The following CHODL variants were observed in gnomAD, a reference collection of about 807,000 sequenced individuals.
CHODL encodes the protein transmembrane protein MT75.
Under a neutral mutation model 34.5 loss-of-function variants are expected in CHODL, and 29 were observed. The observed-to-expected ratio is 0.84, with a 90% CI of 0.63 to 1.15. The LOEUF (loss-of-function observed/expected upper bound fraction) is 1.15, where lower values mean the gene tolerates loss of function less well. Among genes scored for constraint, CHODL ranks in the 50% most tolerant of loss-of-function variants. CHODL has a pLI of 0.00. For missense variants in CHODL, 332 were observed against 332.5 expected, an observed-to-expected ratio of 1.00 and a Z score of 0.01; for synonymous variants, 125 against 116.1, an observed-to-expected ratio of 1.08 and a Z score of -0.49.
intron 1 of CHODL, among the ~76,000 whole-genome samples, chr21:17,929,243 A>C (rs2063252026): frequency 6.6e-6 from 1 of 152,252 alleles, no homozygotes; most frequent in African/African-American, 2.4e-5. Flanking sequence ...GAGTACTTTC[A>C]TGATGTGAAT....
chr21:18,003,568 C>A (rs571492839), intron 1 of CHODL, among the ~76,000 whole-genome samples: 1 of 152,234 alleles, frequency 6.6e-6, no homozygotes, highest in South Asian at 2.1e-4. Flanking sequence ...GTTAATTATT[C>A]TATAAATAAC....
chr21:17,989,515 A>G (rs1346914689), intron 1 of CHODL, among the ~76,000 whole-genome samples: 3 of 152,216 alleles, frequency 2.0e-5, no homozygotes, highest in African/African-American at 4.8e-5. Context: ...GATTTATATT[A>G]GAGTTCTAAA....
chr21:18,026,368 T>C (rs1046190458), intron 1 of CHODL, among the ~76,000 whole-genome samples: 1 of 152,078 alleles, frequency 6.6e-6, no homozygotes, highest in Non-Finnish European at 1.5e-5. Flanking sequence ...CCAAATAAAA[T>C]GCATTAATAA....
At chr21:18,037,805 T>C (rs528374691) in intron 2 of CHODL, among the ~76,000 whole-genome samples, 18 of 151,788 alleles carry the variant, frequency 1.2e-4, no homozygotes, top group African/African-American at 4.1e-4. Flanking sequence ...CAATAACCAG[T>C]GTTAAGAGAG....
intron 2 of CHODL, among the ~76,000 whole-genome samples, chr21:18,222,320 T>G (rs1352540193): frequency 2.0e-5 from 3 of 151,992 alleles, no homozygotes; most frequent in Non-Finnish European, 4.4e-5. Context: ...GGGGGGATCT[T>G]TGTGGGTCCC....
chr21:17,982,715 T>G (rs2063723755), intron 1 of CHODL, among the ~76,000 whole-genome samples: 1 of 138,448 alleles, frequency 7.2e-6, no homozygotes, highest in Admixed American at 7.3e-5. Flanking sequence ...TTTTTTTTTT[T>G]TTTTTTGAGA....
chr21:17,999,159 C>A (rs1341546973), intron 1 of CHODL, among the ~76,000 whole-genome samples: 2 of 152,184 alleles, frequency 1.3e-5, no homozygotes, highest in Non-Finnish European at 2.9e-5. Context: ...CAGGGCAGGG[C>A]AAAATGCCAC....
At chr21:18,033,891 A>G (rs1376917387) in intron 2 of CHODL, among the ~76,000 whole-genome samples, 1 of 152,078 alleles carries the variant, frequency 6.6e-6, no homozygotes, top group African/African-American at 2.4e-5. Context: ...TGGCTGATAT[A>G]GTCTGTACTA....
chr21:18,117,708 AAAATAAAT>A (rs951320639), intron 2 of CHODL, among the ~76,000 whole-genome samples: 13 of 144,622 alleles, frequency 9.0e-5, no homozygotes, highest in African/African-American at 2.7e-4. Flanking sequence ...TAAATAAGAT[AAAATAAAT>A]AAATAAATAA....
At chr21:18,058,263 T>C (rs1241379861) in intron 2 of CHODL, among the ~76,000 whole-genome samples, 1 of 152,096 alleles carries the variant, frequency 6.6e-6, no homozygotes, top group African/African-American at 2.4e-5. Flanking sequence ...AGAATATACA[T>C]TAGTACAGCC....
At chr21:18,036,120 G>A (rs1222465373) in intron 2 of CHODL, among the ~76,000 whole-genome samples, 2 of 152,036 alleles carry the variant, frequency 1.3e-5, no homozygotes, top group South Asian at 2.1e-4. Context: ...TTTGAGCTTT[G>A]TTAGGTGAGA....
At chr21:18,026,486 A>T (rs1182045219) in intron 1 of CHODL, among the ~76,000 whole-genome samples, 1 of 151,904 alleles carries the variant, frequency 6.6e-6, no homozygotes, top group Non-Finnish European at 1.5e-5. Flanking sequence ...ATTAAAAATG[A>T]AGTGAATTTA....
chr21:18,104,972 A>G (rs1057261529), intron 2 of CHODL, among the ~76,000 whole-genome samples: 1 of 152,204 alleles, frequency 6.6e-6, no homozygotes, highest in Non-Finnish European at 1.5e-5. Context: ...AAAATATGTC[A>G]TTGTTTGGCT....
intron 1 of CHODL, among the ~76,000 whole-genome samples, chr21:17,998,445 G>T (rs891737463): frequency 6.6e-6 from 1 of 152,198 alleles, no homozygotes; most frequent in Non-Finnish European, 1.5e-5. Flanking sequence ...AGCTCCATTA[G>T]GTGGTGCCCC....
intron 1 of CHODL, among the ~76,000 whole-genome samples, chr21:17,957,937 T>G (rs73323216): frequency 0.024 from 3,606 of 152,008 alleles, 150 homozygotes; most frequent in African/African-American, 0.082. Context: ...AAAATATTGA[T>G]TTAAACTTTT....
intron 1 of CHODL, among the ~76,000 whole-genome samples, chr21:18,005,969 T>A (rs1363627015): frequency 6.6e-6 from 1 of 152,122 alleles, no homozygotes; most frequent in East Asian, 1.9e-4. Context: ...CACGGGGAAG[T>A]GACTGAATTA....
intron 2 of CHODL, chr21:18,034,461 A>C (rs1349759631): frequency 6.6e-6 from 1 of 151,992 alleles, no homozygotes; most frequent in Non-Finnish European, 1.5e-5. Context: ...ATGGAATAGG[A>C]TTTACTGGGG....
chr21:18,057,924 A>G (rs1490950102), intron 2 of CHODL, among the ~76,000 whole-genome samples: 1 of 152,154 alleles, frequency 6.6e-6, no homozygotes, highest in Non-Finnish European at 1.5e-5. Flanking sequence ...TGATTAAATC[A>G]GGGTAATTAT....
At chr21:18,203,930 C>T (rs2073683624) in intron 2 of CHODL, among the ~76,000 whole-genome samples, 1 of 152,056 alleles carries the variant, frequency 6.6e-6, no homozygotes, top group South Asian at 2.1e-4. Context: ...AAGTGATTCC[C>T]TCAAGGAAAA....
Sources: allele counts gnomAD v4.1 joint callset (sites outside exome capture counted in the v4.1 genomes callset), GRCh38; gene constraint gnomAD v4.1.1; transcripts MANE v1.5; gene names NCBI Gene and HGNC (gene_info 2026-07-23, HGNC 2026-07-21).